Variants in TMEM132C observed in about 807,000 individuals in gnomAD.
TMEM132C encodes the protein protein phosphatase 1, regulatory subunit 152.
A neutral mutation model predicts 61.4 loss-of-function variants in TMEM132C; 29 were observed. The ratio of observed to expected loss-of-function variants is 0.47; its 90% CI spans 0.35 to 0.64. TMEM132C has a LOEUF of 0.64. Among genes scored for constraint, TMEM132C ranks in the 30% least tolerant of loss-of-function variants. The probability of loss-of-function intolerance (pLI) is 0.00; values close to 1 mark genes in which losing one functional copy is unlikely to be tolerated. For missense variants in TMEM132C, 1,408 were observed against 1,476.9 expected (o/e 0.95, Z 0.76); for synonymous variants, 656 against 633.1 (o/e 1.04, Z -0.54).
rs1218506730 is a variant in TMEM132C, at chr12:128,497,104, C to T, written c.975-46853C>T. ...GAGTTTGCTGGAGGTCCACTCCAGA[C>T]CCTGTTTGCCTGGGTATCAGCAGTG... On this transcript the variant is annotated intron_variant, in intron 2 of 8. Coordinates refer to ENST00000435159, the MANE Select transcript of TMEM132C (RefSeq NM_001136103.3). 2.0e-5 allele frequency among the ~76,000 whole-genome samples: 3 copies of T among 152,224 alleles called. No individual in the cohort carries two copies. In the South Asian group the frequency reaches 6.2e-4, roughly 32 times the overall value.
intron 1 of TMEM132C, among the ~76,000 whole-genome samples, chr12:128,340,687 CTCTT>C (rs780491093): frequency 9.2e-5 from 14 of 151,958 alleles, no homozygotes; most frequent in Admixed American, 1.3e-4. Context: ...ATATTCTATG[CTCTT>C]TCTTTCTTTC....
intron 1 of TMEM132C, among the ~76,000 whole-genome samples, chr12:128,293,646 C>T (rs1003583372): frequency 2.0e-5 from 3 of 152,030 alleles, no homozygotes; most frequent in African/African-American, 7.3e-5. Flanking sequence ...TCTTGATCTC[C>T]ACTTCTCAGG....
At chr12:128,490,418 C>G (rs1037477919) in intron 2 of TMEM132C, among the ~76,000 whole-genome samples, 1 of 152,166 alleles carries the variant, frequency 6.6e-6, no homozygotes, top group African/African-American at 2.4e-5. Flanking sequence ...CAAATTCCCC[C>G]CTTCCACACC....
intron 4 of TMEM132C, 22 bp from the exon 5 acceptor site, chr12:128,669,395 T>A (rs540357593): frequency 6.4e-7 from 1 of 1,551,166 alleles, no homozygotes; most frequent in Admixed American, 2.0e-5. Flanking sequence ...CTTGACCCAG[T>A]GTGTTTGATT....
At chr12:128,488,868 C>T (rs1219052615) in intron 2 of TMEM132C, among the ~76,000 whole-genome samples, 1 of 152,068 alleles carries the variant, frequency 6.6e-6, no homozygotes, top group East Asian at 1.9e-4. Flanking sequence ...AACAAAAAAT[C>T]CATTAACAGA....
chr12:128,553,257 C>T lies in TMEM132C; in HGVS notation c.1121+9154C>T, dbSNP rs1474637682. ...GGCCACACACGCAGCCTGTGGGCTA[C>T]AGGTTGGACAAGCTTGCAAGCAGAC... On this transcript the variant is annotated intron_variant, in intron 3 of 8. Coordinates refer to ENST00000435159, the MANE Select transcript of TMEM132C (RefSeq NM_001136103.3). 2.6e-5 allele frequency among the ~76,000 whole-genome samples: 4 copies of T among 152,228 alleles called. No individual in the cohort carries two copies. The South Asian group carries it at 6.2e-4, about 24-fold the overall frequency.
At chr12:128,376,415 TA>T (rs1195133678) in intron 1 of TMEM132C, among the ~76,000 whole-genome samples, 1 of 152,128 alleles carries the variant, frequency 6.6e-6, no homozygotes, top group East Asian at 1.9e-4. Context: ...TTGATAGGTT[TA>T]AAAAAAGGCC....
chr12:128,593,555 T>G (rs576036829), intron 3 of TMEM132C, among the ~76,000 whole-genome samples: 16 of 152,276 alleles, frequency 1.1e-4, no homozygotes, highest in South Asian at 8.3e-4. Context: ...GAATTGGAGT[T>G]GAGTTGGTCT....
intron 2 of TMEM132C, among the ~76,000 whole-genome samples, chr12:128,469,696 GTATA>G (rs1030685891): frequency 1.3e-5 from 2 of 151,074 alleles, no homozygotes; most frequent in Non-Finnish European, 2.9e-5. Context: ...GTGTGTGTAT[GTATA>G]TATATGCATT....
intron 2 of TMEM132C, among the ~76,000 whole-genome samples, chr12:128,530,094 AAG>A (rs1321072626): frequency 6.7e-6 from 1 of 149,392 alleles, no homozygotes; most frequent in Non-Finnish European, 1.5e-5. Flanking sequence ...AGGAGTGAAA[AAG>A]GCAGAAAGTG....
intron 1 of TMEM132C, among the ~76,000 whole-genome samples, chr12:128,374,476 T>A (rs1593029820): frequency 6.6e-6 from 1 of 152,086 alleles, no homozygotes; most frequent in Non-Finnish European, 1.5e-5. Flanking sequence ...CAGAGGGGTG[T>A]GGGAAGGAGA....
chr12:128,453,479 G>A (rs1007044150), intron 2 of TMEM132C, among the ~76,000 whole-genome samples: 6 of 152,174 alleles, frequency 3.9e-5, no homozygotes, highest in Admixed American at 2.0e-4. Flanking sequence ...TGACATGGCC[G>A]CACGGTGTTC....
At chr12:128,669,025 G>T (rs1033119020) in intron 4 of TMEM132C, among the ~76,000 whole-genome samples, 1 of 152,182 alleles carries the variant, frequency 6.6e-6, no homozygotes, top group African/African-American at 2.4e-5. Flanking sequence ...GATATCTTTT[G>T]CAGGAGGTGA....
intron 2 of TMEM132C, among the ~76,000 whole-genome samples, chr12:128,423,003 G>C (rs1869042825): frequency 6.6e-6 from 1 of 152,162 alleles, no homozygotes; most frequent in Non-Finnish European, 1.5e-5. Context: ...CAATTACATG[G>C]CTTCTTTGTC....
rs367969000 is a variant in TMEM132C, at chr12:128,705,059, G to T, written c.2122-31G>T. ...TTTCTAAGGGAAAAGGCATCCCCCA[G>T]GTGGTCTTCTAACTGCCTGTGTCCC... On this transcript the variant is annotated intron_variant, in intron 8 of 8. Coordinates refer to ENST00000435159, the MANE Select transcript of TMEM132C (RefSeq NM_001136103.3). 1,619 of 1,490,728 alleles carry T rather than the reference G, an allele frequency of 1.1e-3. 33 individuals are homozygous for T. In the South Asian group the frequency reaches 0.02, roughly 18 times the overall value. The allele number at this position is 1,490,728 out of a possible 1,614,324, so 92.3% of individuals were successfully genotyped here. A position where few individuals can be genotyped will look rare whatever the true frequency, so the allele number is the denominator to read the frequency against.
At chr12:128,303,193 T>G (rs1871652359) in intron 1 of TMEM132C, among the ~76,000 whole-genome samples, 1 of 152,182 alleles carries the variant, frequency 6.6e-6, no homozygotes, top group African/African-American at 2.4e-5. Flanking sequence ...TCTATCTACT[T>G]GTGTTGAAGC....
chr12:128,380,987 T>A (rs1373655196), intron 1 of TMEM132C, among the ~76,000 whole-genome samples: 8 of 152,214 alleles, frequency 5.3e-5, no homozygotes, highest in Admixed American at 5.2e-4. Context: ...CAGTGCCGCC[T>A]TCTTGCACTT....
chr12:128,625,522 G>T (rs915352805), intron 4 of TMEM132C, among the ~76,000 whole-genome samples: 2 of 152,204 alleles, frequency 1.3e-5, no homozygotes, highest in Non-Finnish European at 2.9e-5. Flanking sequence ...CAATCATGGT[G>T]GAAGGCAAGG....
rs117623481 is a variant in TMEM132C, at chr12:128,267,701, C to G, written c.85+214C>G. On this transcript the variant is annotated intron_variant, in intron 1 of 8. Coordinates refer to ENST00000435159, the MANE Select transcript of TMEM132C (RefSeq NM_001136103.3). ...GGATCCGGGCAAGTTAGGCTGGTCC[C>G]GAGTCCCGAATCTCCCACCCCGGAC... is the stretch of plus-strand genomic sequence containing the variant. 3.2e-3 allele frequency among the ~76,000 whole-genome samples: 489 copies of G among 152,244 alleles called. 17 individuals are homozygous for G. The East Asian group carries it at 0.07, about 22-fold the overall frequency.
Sources: gnomAD v4.1 joint callset for allele counts (sites outside exome capture counted in the v4.1 genomes callset) on GRCh38, gnomAD v4.1.1 for gene constraint, MANE v1.5 for transcripts, NCBI Gene and HGNC (gene_info 2026-07-23, HGNC 2026-07-21) for gene names.